Variants in ZNF804B observed in about 807,000 individuals in gnomAD.
ZNF804B encodes zinc finger 804B.
A neutral mutation model predicts 101.4 loss-of-function variants in ZNF804B; 80 were observed. That is an observed-to-expected ratio of 0.79 (90% CI 0.66 to 0.95). The LOEUF (loss-of-function observed/expected upper bound fraction) is 0.95. Among genes scored for constraint, ZNF804B ranks in the 40% least tolerant of loss-of-function variants. ZNF804B has a pLI of 0.00. For missense variants in ZNF804B, 1,673 were observed against 1,561.9 expected (o/e 1.07, Z -1.20); for synonymous variants, 622 against 558.8 (o/e 1.11, Z -1.59).
intron 1 of ZNF804B, among the ~76,000 whole-genome samples, chr7:89,181,727 G>A (rs1320346356): frequency 6.6e-6 from 1 of 152,108 alleles, no homozygotes. Context: ...TATTCCTATA[G>A]GGGTTAAAAA....
At chr7:88,783,191 G>C (rs1309060258) in intron 1 of ZNF804B, among the ~76,000 whole-genome samples, 1 of 152,134 alleles carries the variant, frequency 6.6e-6, no homozygotes, top group Non-Finnish European at 1.5e-5. Flanking sequence ...TAAGCACGTG[G>C]CTAAAGTGCC....
At chr7:89,170,007 A>G (rs1050738747) in intron 1 of ZNF804B, among the ~76,000 whole-genome samples, 1 of 152,230 alleles carries the variant, frequency 6.6e-6, no homozygotes, top group African/African-American at 2.4e-5. Context: ...CTTGGATAAA[A>G]TAAGAAACCA....
At chr7:89,207,259 G>A (rs1181148913) in intron 1 of ZNF804B, among the ~76,000 whole-genome samples, 3 of 152,172 alleles carry the variant, frequency 2.0e-5, no homozygotes, top group Non-Finnish European at 4.4e-5. Context: ...CTAAGACTGG[G>A]TAATTTACAG....
chr7:88,926,943 C>CGGGTGGGGGGGGGG (rs1554346832), intron 1 of ZNF804B, among the ~76,000 whole-genome samples: 1 of 144,352 alleles, frequency 6.9e-6, no homozygotes, highest in Non-Finnish European at 1.5e-5. Flanking sequence ...TGGTGGGGAG[C>CGGGTGGGGGGGGGG]GGGGGGAAAG....
At chr7:89,089,556 T>A (rs993021011) in intron 1 of ZNF804B, among the ~76,000 whole-genome samples, 14 of 150,978 alleles carry the variant, frequency 9.3e-5, no homozygotes, top group Middle Eastern at 3.4e-3. Context: ...AGAAAAAAAA[T>A]TTTTTTTTGC....
chr7:88,856,810 G>A (rs1182563902), intron 1 of ZNF804B, among the ~76,000 whole-genome samples: 3 of 152,122 alleles, frequency 2.0e-5, no homozygotes, highest in African/African-American at 7.2e-5. Flanking sequence ...AGAGTTTTTA[G>A]TATGAAGGGC....
At chr7:89,196,360 C>T (rs1395069905) in intron 1 of ZNF804B, among the ~76,000 whole-genome samples, 1 of 152,054 alleles carries the variant, frequency 6.6e-6, no homozygotes, top group Non-Finnish European at 1.5e-5. Context: ...ACAAACCTGA[C>T]AGTGATAAGC....
intron 1 of ZNF804B, among the ~76,000 whole-genome samples, chr7:89,217,811 T>G (rs1009310058): frequency 6.6e-6 from 1 of 152,058 alleles, no homozygotes; most frequent in Non-Finnish European, 1.5e-5. Context: ...GACACTAAAA[T>G]TTAAGGGATA....
chr7:89,229,145 C>T (rs1410627827), intron 2 of ZNF804B, among the ~76,000 whole-genome samples: 4 of 152,212 alleles, frequency 2.6e-5, no homozygotes, highest in Admixed American at 1.3e-4. Context: ...GACCCAGCTC[C>T]GGCCTTGGCC....
intron 1 of ZNF804B, among the ~76,000 whole-genome samples, chr7:89,202,538 CTT>C (rs1788657809): frequency 6.6e-6 from 1 of 152,046 alleles, no homozygotes; most frequent in African/African-American, 2.4e-5. Flanking sequence ...GTTAAATAGA[CTT>C]TGATTTTGAT....
At chr7:89,325,443 GA>G (rs528418140) in intron 2 of ZNF804B, among the ~76,000 whole-genome samples, 2,087 of 150,380 alleles carry the variant, frequency 0.014, 24 homozygotes, top group South Asian at 0.024. Flanking sequence ...TCCTTGAAGG[GA>G]AAAAAAAATT....
At chr7:88,950,830 A>G (rs1297876976) in intron 1 of ZNF804B, among the ~76,000 whole-genome samples, 2 of 151,766 alleles carry the variant, frequency 1.3e-5, no homozygotes, top group African/African-American at 4.8e-5. Context: ...TGCAGTAAAT[A>G]CTCCATATAT....
chr7:88,903,873 A>C (rs1369827512), intron 1 of ZNF804B, among the ~76,000 whole-genome samples: 5 of 152,036 alleles, frequency 3.3e-5, no homozygotes, highest in Non-Finnish European at 7.4e-5. Flanking sequence ...ATAGTTTGTG[A>C]ATATTTTCTG....
At chr7:88,844,293 TTTAAAG>T (rs1221179273) in intron 1 of ZNF804B, among the ~76,000 whole-genome samples, 1 of 152,198 alleles carries the variant, frequency 6.6e-6, no homozygotes, top group Non-Finnish European at 1.5e-5. Flanking sequence ...ATGAATGTCT[TTTAAAG>T]TTAATTTGTT....
chr7:88,903,956 A>C lies in ZNF804B; in HGVS notation c.108+143872A>C, dbSNP rs568282516. Among the ~76,000 whole-genome samples, 3 of 152,228 alleles carry C rather than the reference A, an allele frequency of 2.0e-5. No homozygotes were observed. In the South Asian group the frequency reaches 6.2e-4, roughly 32 times the overall value. Reference sequence around the variant, plus strand: ...TGCAGAAGCTCAGAAAAAGAGCTTAACTAGGTCCCACTTGTCAATATTTGG... The same window carrying C: ...TGCAGAAGCTCAGAAAAAGAGCTTACCTAGGTCCCACTTGTCAATATTTGG... On this transcript the variant is annotated intron_variant, in intron 1 of 3. Transcript: ENST00000333190.
chr7:89,333,862 A>T lies in ZNF804B; in HGVS notation c.880A>T (p.Asn294Tyr), dbSNP rs1400243057. 1 of 1,613,504 alleles carries T rather than the reference A, an allele frequency of 6.2e-7. No homozygotes were observed. Among genetic ancestry groups the T allele is most frequent in the Non-Finnish European group, 8.5e-7 (1 of 1,179,740 alleles). The change falls in exon 4 of 4, where the codon AAT (asparagine) becomes TAT (tyrosine). Residue 294 changes from asparagine (N) to tyrosine (Y), a missense_variant. Transcript: ENST00000333190. The stretch of plus-strand genomic sequence containing the variant: ...AAGCCATCTGGAAAGTGTTTTACAC[A>T]ATACCATCTCCATAAACTCTAAAAT... ...SPSHLESVLHNTISINSKILQ... is the reference protein window; with the variant it reads ...SPSHLESVLHYTISINSKILQ...
intron 1 of ZNF804B, among the ~76,000 whole-genome samples, chr7:89,093,247 G>A (rs1562882784): frequency 6.6e-6 from 1 of 152,070 alleles, no homozygotes; most frequent in Non-Finnish European, 1.5e-5. Flanking sequence ...TACCTCTGTG[G>A]GAAACACCTT....
Position 89,333,785 on chromosome 7 carries a change from T to A in ZNF804B, c.803T>A (p.Phe268Tyr). Residue 268 changes from phenylalanine to tyrosine, a missense_variant, in exon 4 of 4, where the codon TTT (phenylalanine) becomes TAT (tyrosine). Phe to Tyr is a conservative substitution (Grantham distance 22). Coordinates refer to ENST00000333190, the MANE Select transcript of ZNF804B (RefSeq NM_181646.5). Reference sequence around the variant, plus strand: ...GCAGATAAGTGCAAGTGCTGCAGGTTTGCAAATAAAGATACACACCTTACC... The same window carrying A: ...GCAGATAAGTGCAAGTGCTGCAGGTATGCAAATAAAGATACACACCTTACC... ...QTADKCKCCR[F>Y]ANKDTHLTKE... is the part of the protein sequence containing the mutation. The A allele has an allele frequency of 6.2e-7, 1 of 1,613,534 alleles. No individual in the cohort carries two copies.
At position 89,101,462 on chromosome 7, in the gene ZNF804B, A is replaced by G. The variant is rs563625046; in HGVS notation, c.109-116693A>G. ...ACTCCTGTTTAAAATATAAAATTGG[A>G]TCTACTTATGGTAATAAAATATATT... On this transcript the variant is annotated intron_variant, in intron 1 of 3. Coordinates refer to ENST00000333190, the MANE Select transcript of ZNF804B (RefSeq NM_181646.5). Among the ~76,000 whole-genome samples, 13 of 152,108 alleles carry G rather than the reference A, an allele frequency of 8.5e-5. No homozygotes were observed. The East Asian group carries it at 2.5e-3, about 29-fold the overall frequency.
Sources: allele counts gnomAD v4.1 joint callset (sites outside exome capture counted in the v4.1 genomes callset), GRCh38; gene constraint gnomAD v4.1.1; transcripts MANE v1.5; gene names NCBI Gene and HGNC (gene_info 2026-07-23, HGNC 2026-07-21).